BTBD1: variants seen among roughly 807,000 people sequenced by gnomAD.
BTBD1 encodes the protein BTB domain containing 1, also known as BTB/POZ domain-containing protein 1.
BTBD1 carries 34 observed loss-of-function variants against 48.0 expected under a neutral mutation model. That is an observed-to-expected ratio of 0.71 (90% confidence interval 0.54 to 0.94). BTBD1 has a LOEUF of 0.94. Among genes scored for constraint, BTBD1 ranks in the 40% least tolerant of loss-of-function variants. The pLI, the probability that BTBD1 is intolerant of heterozygous loss-of-function variation, is 0.00. For synonymous variants in BTBD1, 261 were observed against 242.1 expected, an observed-to-expected ratio of 1.08 and a Z score of -0.72; for missense variants, 543 against 625.6, an observed-to-expected ratio of 0.87 and a Z score of 1.41.
intron 4 of BTBD1, 167 bp from the exon 5 acceptor site, chr15:83,030,495 T>C: frequency 1.7e-6 from 1 of 605,682 alleles, no homozygotes; most frequent in Non-Finnish European, 2.9e-6. Flanking sequence ...AATAAATCCA[T>C]TTGAGGTTAA....
intron 5 of BTBD1, among the ~76,000 whole-genome samples, chr15:83,027,260 G>A (rs1042926406): frequency 1.3e-5 from 2 of 152,330 alleles, no homozygotes; most frequent in African/African-American, 2.4e-5. Flanking sequence ...CCTGAGGCAG[G>A]AGAATCGCTT....
chr15:83,058,525 C>G (rs2033124547), intron 1 of BTBD1, among the ~76,000 whole-genome samples: 1 of 151,944 alleles, frequency 6.6e-6, no homozygotes, highest in African/African-American at 2.4e-5. Flanking sequence ...AGGAGACTCA[C>G]TTGAATCTGG....
chr15:83,051,846 G>T (rs903679158), intron 2 of BTBD1, among the ~76,000 whole-genome samples: 1 of 99,700 alleles, frequency 1.0e-5, no homozygotes, highest in East Asian at 2.3e-4. Context: ...TTAACATTTT[G>T]CCTCATTTAT....
intron 4 of BTBD1, among the ~76,000 whole-genome samples, chr15:83,038,132 A>C (rs1358740623): frequency 6.6e-6 from 1 of 152,184 alleles, no homozygotes; most frequent in East Asian, 1.9e-4. Context: ...ACTGATAAAG[A>C]ACTTCAATAA....
At chr15:83,042,348 T>TATATATATATATATATA (rs2032777258) in intron 3 of BTBD1, among the ~76,000 whole-genome samples, 1 of 109,896 alleles carries the variant, frequency 9.1e-6, no homozygotes, top group Non-Finnish European at 1.8e-5. Context: ...TTAGGCAATT[T>TATATATATATATATATA]TATATATATA....
Position 83,030,209 on chromosome 15 carries a change from T to C in BTBD1, c.982A>G (p.Lys328Glu). 2 of 1,614,136 alleles carry C rather than the reference T, an allele frequency of 1.2e-6. No homozygotes were observed. The highest frequency in any genetic ancestry group is 2.2e-5 in the East Asian group (1 of 44,868). Residue 328 changes from lysine (K) to glutamate (E), a missense_variant, in exon 5 of 8, where the codon AAG (lysine) becomes GAG (glutamate). This residue lies in a region of BTBD1 where 300 missense variants were observed against 350.0 expected (regional missense o/e 0.86). Transcript: ENST00000261721. Reference protein sequence around the residue: ...IDRPRCCLRGKECCINRFQQV... With the variant: ...IDRPRCCLRGEECCINRFQQV... ...TGGAATCTATTGATGCAGCATTCCT[T>C]TCCCCTGAGACAGCATCTTGGTCGG...
intron 1 of BTBD1, among the ~76,000 whole-genome samples, chr15:83,060,848 G>C (rs1334445779): frequency 1.3e-5 from 2 of 152,128 alleles, no homozygotes; most frequent in African/African-American, 4.8e-5. Flanking sequence ...GTGAATACTT[G>C]ATTTTATATA....
chr15:83,060,396 G>C (rs2033156998), intron 1 of BTBD1, among the ~76,000 whole-genome samples: 1 of 147,608 alleles, frequency 6.8e-6, no homozygotes, highest in Admixed American at 6.8e-5. Flanking sequence ...CTAAGGACGA[G>C]AGCACAGAAA....
chr15:83,025,985 G>A (rs931718827), intron 5 of BTBD1, among the ~76,000 whole-genome samples: 6 of 152,062 alleles, frequency 3.9e-5, no homozygotes, highest in Non-Finnish European at 5.9e-5. Flanking sequence ...TAGCCAGGAT[G>A]GTCTCGATCT....
intron 1 of BTBD1, among the ~76,000 whole-genome samples, chr15:83,065,734 T>C (rs1567115321): frequency 6.6e-6 from 1 of 152,192 alleles, no homozygotes; most frequent in Admixed American, 6.5e-5. Flanking sequence ...ATTTGTGAAA[T>C]TGGGGTAAAC....
rs757060839 is a variant in BTBD1 at position 83,067,066 on chromosome 15, G to A, written c.86C>T (p.Pro29Leu). Residue 29 changes from proline to leucine, a missense_variant, in exon 1 of 8, where the codon CCC becomes CTC. Pro to Leu is a moderately conservative substitution (Grantham distance 98). Transcript: ENST00000261721. ...EPGPAGPPPP[P>L]SPSSLGPLLP... is the part of the protein sequence containing the mutation. The stretch of plus-strand genomic sequence containing the variant: ...CAGGGGCCCCAGAGAGGACGGTGAG[G>A]GCGGCGGCGGCGGCCCCGCGGGGCC... 3 of 1,552,566 alleles carry A rather than the reference G, an allele frequency of 1.9e-6. No individual in the cohort carries two copies. The highest frequency in any genetic ancestry group is 2.0e-5 in the Admixed American group (1 of 50,190).
At chr15:83,058,808 A>C (rs2033130777) in intron 1 of BTBD1, among the ~76,000 whole-genome samples, 1 of 152,130 alleles carries the variant, frequency 6.6e-6, no homozygotes, top group Non-Finnish European at 1.5e-5. Context: ...CCGCAAACCT[A>C]TACATGGTTC....
intron 4 of BTBD1, among the ~76,000 whole-genome samples, chr15:83,031,438 C>T (rs2032513662): frequency 6.6e-6 from 1 of 152,162 alleles, no homozygotes; most frequent in Non-Finnish European, 1.5e-5. Context: ...CCATGGAATA[C>T]TATGCAGCCA....
chr15:83,037,901 T>C (rs2032660190), intron 4 of BTBD1, among the ~76,000 whole-genome samples: 1 of 152,048 alleles, frequency 6.6e-6, no homozygotes, highest in Non-Finnish European at 1.5e-5. Context: ...CTGGCCAACA[T>C]GGTGAAACCC....
chr15:83,030,395 T>C, intron 4 of BTBD1, 67 bp from the exon 5 acceptor site: 1 of 1,325,490 alleles, frequency 7.5e-7, no homozygotes, highest in South Asian at 1.3e-5. Flanking sequence ...TGGAATTCAC[T>C]TAACGTAAAT....
intron 6 of BTBD1, chr15:83,020,100 CA>C (rs747007198): frequency 1.3e-3 from 167 of 132,578 alleles, no homozygotes; most frequent in Middle Eastern, 3.9e-3. Context: ...CACAGCGAGA[CA>C]AAAAAAAAAA....
At chr15:83,038,951 C>T (rs12906027) in intron 4 of BTBD1, among the ~76,000 whole-genome samples, 18,082 of 152,138 alleles carry the variant, frequency 0.12, 1,139 homozygotes, top group Middle Eastern at 0.22. Flanking sequence ...CTAGGAAATA[C>T]TTTTCTGGAC....
At chr15:83,022,374 T>C (rs1358373357) in intron 5 of BTBD1, 2 of 152,072 alleles carry the variant, frequency 1.3e-5, no homozygotes, top group Non-Finnish European at 2.9e-5. Flanking sequence ...TTTATAATTT[T>C]TTATTATAAA....
At chr15:83,038,543 A>T (rs909182273) in intron 4 of BTBD1, among the ~76,000 whole-genome samples, 1 of 152,202 alleles carries the variant, frequency 6.6e-6, no homozygotes, top group Non-Finnish European at 1.5e-5. Flanking sequence ...GAACTAGAAA[A>T]ATATTCTAAA....
Sources: allele counts gnomAD v4.1 joint callset (sites outside exome capture counted in the v4.1 genomes callset), GRCh38; gene constraint gnomAD v4.1.1; regional missense constraint gnomAD v4.1.1; transcripts MANE v1.5; gene names NCBI Gene and HGNC (gene_info 2026-07-23, HGNC 2026-07-21).